Variants in EEF1E1 observed in about 807,000 individuals in gnomAD.
EEF1E1 encodes the protein eukaryotic translation elongation factor 1 epsilon-1.
Under a neutral mutation model 19.9 loss-of-function variants are expected in EEF1E1, and 19 were observed. That is an observed-to-expected ratio of 0.95 (90% CI 0.66 to 1.40). EEF1E1 has a LOEUF of 1.40. Ranked by LOEUF, EEF1E1 falls within the 40% of genes most tolerant of loss-of-function variation. The pLI is 0.00. For synonymous variants in EEF1E1, 81 were observed against 80.0 expected, an observed-to-expected ratio of 1.01 and a Z score of -0.07; for missense variants, 198 against 202.2, an observed-to-expected ratio of 0.98 and a Z score of 0.13.
At chr6:8,085,855 C>G (rs1757840103) in intron 3 of EEF1E1, among the ~76,000 whole-genome samples, 1 of 152,120 alleles carries the variant, frequency 6.6e-6, no homozygotes, top group African/African-American at 2.4e-5. Flanking sequence ...ATATTCTGAC[C>G]AGAGATTAGC....
intron 3 of EEF1E1, 113 bp from the exon 4 acceptor site, chr6:8,080,143 G>C: frequency 8.2e-7 from 1 of 1,222,042 alleles, no homozygotes; most frequent in African/African-American, 1.5e-5. Flanking sequence ...AATCCCCCAA[G>C]AGCTCTCAAA....
intron 1 of EEF1E1, 22 bp downstream of exon 1, chr6:8,102,413 C>A (rs971399362): frequency 3.1e-6 from 5 of 1,605,632 alleles, no homozygotes; most frequent in Non-Finnish European, 4.2e-6. Flanking sequence ...CTCTTCCCCT[C>A]CGCGCCGCCT....
chr6:8,090,139 A>G, intron 3 of EEF1E1, 47 bp downstream of exon 3: 2 of 1,425,822 alleles, frequency 1.4e-6, no homozygotes, highest in Middle Eastern at 1.8e-4. Context: ...TTTAAAAATC[A>G]TTCTCAACAC....
chr6:8,101,772 T>A (rs1162461001), intron 1 of EEF1E1: 4 of 1,289,414 alleles, frequency 3.1e-6, no homozygotes, highest in Non-Finnish European at 4.0e-6. Flanking sequence ...TACCTTGTGA[T>A]GTTTCCCGCA....
intron 1 of EEF1E1, among the ~76,000 whole-genome samples, chr6:8,099,777 CACACACACACACACAA>C (rs1241909201): frequency 1.6e-5 from 2 of 123,090 alleles, no homozygotes; most frequent in Non-Finnish European, 1.7e-5. Flanking sequence ...CACACACACA[CACACACACACACACAA>C]AAAAAAAACA....
rs1757674206 is a variant in EEF1E1 at position 8,079,530 on chromosome 6, T to G, written c.*360A>C. The G allele has an allele frequency of 2.0e-6, 2 of 998,140 alleles. No individual in the cohort carries two copies. Among genetic ancestry groups the G allele is most frequent in the South Asian group, 9.0e-5 (2 of 22,122 alleles). 61.8% of individuals were successfully genotyped at this position (998,140 alleles called of 1,614,324 possible). On this transcript the variant is annotated 3_prime_UTR_variant, in exon 4 of 4. Transcript: ENST00000379715. ...AATATCCATAAGGGGAAAATGAATTTTAGAATATGAAAGAGAGGTTAATAA... is the reference window on the plus strand; with the variant it reads ...AATATCCATAAGGGGAAAATGAATTGTAGAATATGAAAGAGAGGTTAATAA...
intron 3 of EEF1E1, among the ~76,000 whole-genome samples, chr6:8,087,737 C>T (rs1176927124): frequency 6.6e-6 from 1 of 152,176 alleles, no homozygotes; most frequent in African/African-American, 2.4e-5. Flanking sequence ...TACAGTCCAT[C>T]CTCTTTAGAT....
rs115586813 is a variant in EEF1E1 at position 8,101,834 on chromosome 6, C to T, written c.87+601G>A. The T allele has an allele frequency of 1.4e-4, 180 of 1,289,250 alleles. 1 individual carries two copies. The African/African-American group carries it at 2.6e-3, about 18-fold the overall frequency. 79.9% of individuals were successfully genotyped at this position (1,289,250 alleles called of 1,614,324 possible). On this transcript the variant is annotated intron_variant, in intron 1 of 3. Coordinates refer to ENST00000379715, the MANE Select transcript of EEF1E1 (RefSeq NM_004280.5). ...TGATAATCCAAGGCTTTAGAAACGCCTTCCCCGAATCCCCTAGATTGGGCC... is the reference window on the plus strand; with the variant it reads ...TGATAATCCAAGGCTTTAGAAACGCTTTCCCCGAATCCCCTAGATTGGGCC...
In EEF1E1 at chr6:8,100,900, A is replaced by G. The variant is rs375728110; in HGVS notation, c.87+1535T>C. Reference sequence around the variant, plus strand: ...TGCTGATGATTGTTTCTCATACTAGATAATACTCATATCTTGGCAATGGTC... The same window carrying G: ...TGCTGATGATTGTTTCTCATACTAGGTAATACTCATATCTTGGCAATGGTC... On this transcript the variant is annotated intron_variant, in intron 1 of 3. Coordinates refer to ENST00000379715, the MANE Select transcript of EEF1E1 (RefSeq NM_004280.5). Among the ~76,000 whole-genome samples the G allele has an allele frequency of 1.0e-3, 148 of 147,160 alleles. 6 individuals are homozygous for G. In the South Asian group the frequency reaches 0.031, roughly 31 times the overall value.
intron 2 of EEF1E1, among the ~76,000 whole-genome samples, chr6:8,092,868 G>GTTGTTTTTTTTTTT (rs1554099258): frequency 5.5e-5 from 6 of 108,202 alleles, no homozygotes; most frequent in Non-Finnish European, 9.3e-5. Context: ...GATAAAGACT[G>GTTGTTTTTTTTTTT]CTTTTTTTTT....
chr6:8,092,871 T>TGTTACTGTTG (rs1758055610), intron 2 of EEF1E1, among the ~76,000 whole-genome samples: 1 of 90,700 alleles, frequency 1.1e-5, no homozygotes, highest in Non-Finnish European at 2.0e-5. Context: ...AAAGACTGCT[T>TGTTACTGTTG]TTTTTTTTTT....
intron 2 of EEF1E1, among the ~76,000 whole-genome samples, chr6:8,096,928 C>T (rs1758190758): frequency 6.6e-6 from 1 of 152,012 alleles, no homozygotes. Flanking sequence ...TCGAGTGGGG[C>T]ATCACATCAA....
At chr6:8,099,701 C>T (rs545354308) in intron 1 of EEF1E1, among the ~76,000 whole-genome samples, 38 of 149,670 alleles carry the variant, frequency 2.5e-4, no homozygotes, top group Non-Finnish European at 4.3e-4. Flanking sequence ...GAGCCGAGAT[C>T]GCACCATTGC....
downstream of EEF1E1, among the ~76,000 whole-genome samples, chr6:8,078,210 G>A (rs1384924316): frequency 2.6e-5 from 4 of 152,146 alleles, no homozygotes; most frequent in African/African-American, 9.7e-5. Flanking sequence ...AGAGAGATGT[G>A]CAACTCCTCC....
chr6:8,102,207 A>C, intron 1 of EEF1E1: 1 of 682,452 alleles, frequency 1.5e-6, no homozygotes, highest in Non-Finnish European at 1.8e-6. Context: ...CCAGGAGGTG[A>C]AGTTCAGGCC....
downstream of EEF1E1, chr6:8,078,629 C>A: frequency 8.3e-7 from 1 of 1,197,632 alleles, no homozygotes. Flanking sequence ...ATGAGGCATG[C>A]CTGTGCCCAC....
chr6:8,089,309 C>T (rs1757952826), intron 3 of EEF1E1, among the ~76,000 whole-genome samples: 1 of 152,088 alleles, frequency 6.6e-6, no homozygotes, highest in African/African-American at 2.4e-5. Context: ...GTGTATTAGT[C>T]AGGGTTCTCT....
At chr6:8,082,380 C>T (rs9328454) in intron 3 of EEF1E1, among the ~76,000 whole-genome samples, 42,169 of 152,048 alleles carry the variant, frequency 0.28, 5,871 homozygotes, top group East Asian at 0.32. Context: ...TGGGTTCAAG[C>T]GATTCTCCTG....
rs1234922407 is a variant in EEF1E1 at position 8,097,417 on chromosome 6, A to G, written c.138T>C (p.Thr46=). ...NNGPSLTGLT[T]IAAHLVKQAN... ...CTTGCTTGACTAGATGAGCTGCTAT[A>G]GTAGTCAATCCTGTTAGACTTGGAC... The change falls in exon 2 of 4, where the codon ACT becomes ACC. Residue 46 remains threonine, a synonymous_variant. Coordinates refer to ENST00000379715, the MANE Select transcript of EEF1E1 (RefSeq NM_004280.5). The G allele has an allele frequency of 2.5e-6, 4 of 1,614,076 alleles. No individual in the cohort carries two copies. Among genetic ancestry groups the G allele is most frequent in the Non-Finnish European group, 3.4e-6 (4 of 1,180,036 alleles).
Sources: allele counts gnomAD v4.1 joint callset (sites outside exome capture counted in the v4.1 genomes callset), GRCh38; gene constraint gnomAD v4.1.1; transcripts MANE v1.5; gene names NCBI Gene and HGNC (gene_info 2026-07-23, HGNC 2026-07-21).